Variants in FNBP1L observed in about 807,000 individuals in gnomAD.
FNBP1L encodes formin-binding protein 1-like.
FNBP1L carries 36 observed loss-of-function variants against 91.2 expected under a neutral mutation model. The observed-to-expected ratio is 0.39, with a 90% CI of 0.30 to 0.52. The LOEUF (loss-of-function observed/expected upper bound fraction) is 0.52, where lower values mean the gene tolerates loss of function less well. Among genes scored for constraint, FNBP1L ranks in the 20% least tolerant of loss-of-function variants. The pLI, the probability that FNBP1L is intolerant of heterozygous loss-of-function variation, is 0.66. For synonymous variants in FNBP1L, 242 were observed against 237.0 expected, an observed-to-expected ratio of 1.02 and a Z score of -0.19; for missense variants, 571 against 732.1, an observed-to-expected ratio of 0.78 and a Z score of 2.54.
rs1158829572 is a variant in FNBP1L, at chr1:93,483,955, GTCTC to G, written c.25-15507_25-15504del. 2.0e-5 allele frequency among the ~76,000 whole-genome samples: 3 copies of G among 152,314 alleles called. No homozygotes were observed. In the East Asian group the frequency reaches 5.8e-4, roughly 29 times the overall value. ...TGTGCAAATAGTTTATTGAGATGGA[GTCTC>G]TCTCTGTTGCCCAGGCCAGAGTGCA... On this transcript the variant is annotated intron_variant, in intron 1 of 16. Coordinates refer to ENST00000271234, the MANE Select transcript of FNBP1L (RefSeq NM_001164473.3).
intron 2 of FNBP1L, among the ~76,000 whole-genome samples, chr1:93,518,115 G>A (rs1247173953): frequency 6.6e-6 from 1 of 152,044 alleles, no homozygotes; most frequent in South Asian, 2.1e-4. Context: ...TATCTGCATC[G>A]TGATCCCAGA....
chr1:93,538,998 A>G (rs1353566391), intron 10 of FNBP1L, among the ~76,000 whole-genome samples: 3 of 152,082 alleles, frequency 2.0e-5, no homozygotes, highest in African/African-American at 7.2e-5. Context: ...CTTCTGTGAC[A>G]TTAAGTTCTA....
chr1:93,477,016 A>G (rs1051824870), intron 1 of FNBP1L, among the ~76,000 whole-genome samples: 5 of 152,186 alleles, frequency 3.3e-5, no homozygotes, highest in East Asian at 1.9e-4. Context: ...GGCAGAGTCT[A>G]TATTTGAACA....
At chr1:93,493,058 G>T (rs1670147499) in intron 1 of FNBP1L, among the ~76,000 whole-genome samples, 1 of 152,122 alleles carries the variant, frequency 6.6e-6, no homozygotes, top group African/African-American at 2.4e-5. Context: ...GAACTCAGGG[G>T]TTTGAGACTA....
At chr1:93,451,021 A>G (rs1668477320) in intron 1 of FNBP1L, among the ~76,000 whole-genome samples, 2 of 152,358 alleles carry the variant, frequency 1.3e-5, no homozygotes, top group South Asian at 4.1e-4. Flanking sequence ...CTGTGCTTAC[A>G]GGGATTTCTA....
chr1:93,534,822 T>C lies in FNBP1L; in HGVS notation c.904T>C (p.Ser302Pro). Reference sequence around the variant, plus strand: ...CATTTCTGATGGGACTATCAGTGCATCCAAACAGGAGAGTGGGAAGATGGA... The same window carrying C: ...CATTTCTGATGGGACTATCAGTGCACCCAAACAGGAGAGTGGGAAGATGGA... ...RTISDGTISA[S>P]KQESGKMDAK... The change falls in exon 9 of 17, where the codon TCC becomes CCC. Residue 302 changes from serine (S) to proline (P), a missense_variant. This residue lies in a region of FNBP1L where 150 missense variants were observed against 155.9 expected (regional missense o/e 0.96). Transcript: ENST00000271234. The C allele has an allele frequency of 6.3e-7, 1 of 1,577,028 alleles. No homozygotes were observed. Among genetic ancestry groups the C allele is most frequent in the Non-Finnish European group, 8.6e-7 (1 of 1,159,944 alleles).
At chr1:93,521,831 A>G (rs929552952) in intron 2 of FNBP1L, among the ~76,000 whole-genome samples, 2 of 152,182 alleles carry the variant, frequency 1.3e-5, no homozygotes, top group African/African-American at 4.8e-5. Context: ...TAGTAACATC[A>G]ACCAAATTGT....
intron 1 of FNBP1L, among the ~76,000 whole-genome samples, chr1:93,482,225 A>C (rs1312092466): frequency 1.3e-5 from 2 of 152,002 alleles, no homozygotes; most frequent in Non-Finnish European, 2.9e-5. Flanking sequence ...CAACCCAAAA[A>C]ATTTTTTTGT....
intron 1 of FNBP1L, among the ~76,000 whole-genome samples, chr1:93,485,296 A>G (rs1669862398): frequency 6.6e-6 from 1 of 152,232 alleles, no homozygotes; most frequent in Non-Finnish European, 1.5e-5. Flanking sequence ...ATATGCTCTG[A>G]TAGTTTGTAA....
chr1:93,514,210 G>A (rs1272758335), intron 2 of FNBP1L, among the ~76,000 whole-genome samples: 2 of 152,156 alleles, frequency 1.3e-5, no homozygotes, highest in Admixed American at 6.5e-5. Context: ...AACTTAACAA[G>A]GGATGTGAAG....
intron 1 of FNBP1L, among the ~76,000 whole-genome samples, chr1:93,464,640 T>A (rs1329383836): frequency 6.6e-6 from 1 of 152,236 alleles, no homozygotes; most frequent in Non-Finnish European, 1.5e-5. Context: ...ACTATTTTGT[T>A]CTTTTCCAAA....
intron 2 of FNBP1L, among the ~76,000 whole-genome samples, chr1:93,515,235 G>A (rs1192336310): frequency 3.9e-5 from 6 of 152,088 alleles, no homozygotes; most frequent in Non-Finnish European, 7.4e-5. Context: ...ACACCAGTTA[G>A]AATGGCAATC....
rs548405712 is a variant in FNBP1L, at chr1:93,526,106, T to G, written c.405+1783T>G. 3.3e-5 allele frequency among the ~76,000 whole-genome samples: 5 copies of G among 152,120 alleles called. 1 individual carries two copies. In the South Asian group the frequency reaches 1.0e-3, roughly 32 times the overall value. On this transcript the variant is annotated intron_variant, in intron 5 of 16. Transcript: ENST00000271234. ...TAAAAGACAGTTATTAACCTTGGGA[T>G]GAATAAAGTAGGCAGTACTGGCATT...
chr1:93,500,616 A>T (rs1433970427), intron 2 of FNBP1L, among the ~76,000 whole-genome samples: 1 of 149,444 alleles, frequency 6.7e-6, no homozygotes, highest in Non-Finnish European at 1.5e-5. Flanking sequence ...GTTTATCCTA[A>T]ACAATTTACT....
At chr1:93,467,800 C>G (rs1669141959) in intron 1 of FNBP1L, among the ~76,000 whole-genome samples, 1 of 151,912 alleles carries the variant, frequency 6.6e-6, no homozygotes, top group South Asian at 2.1e-4. Context: ...AAAAGGTAGG[C>G]TTGGCGGTGT....
chr1:93,509,200 C>T (rs1341495509), intron 2 of FNBP1L, among the ~76,000 whole-genome samples: 2 of 152,262 alleles, frequency 1.3e-5, no homozygotes, highest in Middle Eastern at 3.4e-3. Flanking sequence ...CATAACTAAA[C>T]ATTTATTAAC....
chr1:93,462,327 C>G (rs1164320636), intron 1 of FNBP1L, among the ~76,000 whole-genome samples: 1 of 152,036 alleles, frequency 6.6e-6, no homozygotes, highest in Non-Finnish European at 1.5e-5. Flanking sequence ...TTTAGATTTA[C>G]TTAGAAATTA....
chr1:93,521,441 C>T (rs1197345576), intron 2 of FNBP1L, among the ~76,000 whole-genome samples: 1 of 151,906 alleles, frequency 6.6e-6, no homozygotes, highest in African/African-American at 2.4e-5. Context: ...TTCTTTTTGC[C>T]CTGACTCAGT....
chr1:93,503,241 A>G (rs1252778465), intron 2 of FNBP1L, among the ~76,000 whole-genome samples: 2 of 152,144 alleles, frequency 1.3e-5, no homozygotes, highest in Non-Finnish European at 2.9e-5. Context: ...ATAAGTGCCA[A>G]GCGAAGGGGG....
Sources: allele counts gnomAD v4.1 joint callset (sites outside exome capture counted in the v4.1 genomes callset), GRCh38; gene constraint gnomAD v4.1.1; regional missense constraint gnomAD v4.1.1; transcripts MANE v1.5; gene names NCBI Gene and HGNC (gene_info 2026-07-23, HGNC 2026-07-21).